PDHX: variants seen among roughly 807,000 people sequenced by gnomAD.
PDHX encodes pyruvate dehydrogenase complex component X.
PDHX carries 33 observed loss-of-function variants against 55.3 expected under a neutral mutation model. That is an observed-to-expected ratio of 0.60 (90% CI 0.45 to 0.80). PDHX has a LOEUF of 0.80. Among genes scored for constraint, PDHX ranks in the 30% least tolerant of loss-of-function variants. The pLI, the probability that PDHX is intolerant of heterozygous loss-of-function variation, is 0.00. For synonymous variants in PDHX, 226 were observed against 219.4 expected (o/e 1.03, Z -0.27); for missense variants, 622 against 619.9 (o/e 1.00, Z -0.04).
In PDHX at chr11:34,934,663, A is replaced by G. The variant is rs111618210; in HGVS notation, c.241+3179A>G. On this transcript the variant is annotated intron_variant, in intron 2 of 10. Transcript: ENST00000227868. Reference sequence around the variant, plus strand: ...CGCGATCTCTGCTCACTACAGCCTCAGCCTCCTGGGCTCAGGGTGATTCTC... The same window carrying G: ...CGCGATCTCTGCTCACTACAGCCTCGGCCTCCTGGGCTCAGGGTGATTCTC... 5.9e-3 allele frequency among the ~76,000 whole-genome samples: 815 copies of G among 139,030 alleles called. 12 individuals are homozygous for G. The highest frequency in any genetic ancestry group is 0.021 in the African/African-American group (781 of 36,434). 91.2% of individuals were successfully genotyped at this position (139,030 alleles called of 152,430 possible).
intron 7 of PDHX, among the ~76,000 whole-genome samples, chr11:34,971,582 A>G (rs1318262410): frequency 6.6e-6 from 1 of 152,166 alleles, no homozygotes; most frequent in Non-Finnish European, 1.5e-5. Context: ...AAGGTGAATT[A>G]CATTGGTTGA....
chr11:34,957,618 A>G (rs778593192), intron 4 of PDHX, 35 bp downstream of exon 4: 6 of 1,549,082 alleles, frequency 3.9e-6, no homozygotes, highest in Admixed American at 3.3e-5. Context: ...TGATGTAAAA[A>G]AAAAAAGTTA....
intron 9 of PDHX, among the ~76,000 whole-genome samples, chr11:34,990,683 A>C (rs1425622752): frequency 6.6e-6 from 1 of 152,204 alleles, no homozygotes; most frequent in African/African-American, 2.4e-5. Context: ...CCGTTATTCC[A>C]AGAACTGTAT....
At chr11:34,931,982 G>C (rs11032934) in intron 2 of PDHX, among the ~76,000 whole-genome samples, 1 of 151,724 alleles carries the variant, frequency 6.6e-6, no homozygotes, top group Non-Finnish European at 1.5e-5. Context: ...ATAGTATTAA[G>C]CATTTCTAAT....
intron 10 of PDHX, among the ~76,000 whole-genome samples, chr11:34,993,761 G>A (rs1037932674): frequency 5.9e-5 from 9 of 151,980 alleles, no homozygotes; most frequent in African/African-American, 2.2e-4. Context: ...AAATTGATTT[G>A]CCATTTTTCA....
At chr11:34,982,682 A>G (rs1023795139) in intron 8 of PDHX, among the ~76,000 whole-genome samples, 1 of 152,224 alleles carries the variant, frequency 6.6e-6, no homozygotes, top group Admixed American at 6.5e-5. Context: ...GAAGAAATGG[A>G]TAAATTCCTC....
intron 7 of PDHX, 109 bp from the exon 8 acceptor site, chr11:34,978,015 T>C (rs1435506887): frequency 2.1e-5 from 15 of 700,542 alleles, no homozygotes; most frequent in Non-Finnish European, 3.9e-5. Context: ...TTGTAATTTT[T>C]TATCATTGTT....
intron 8 of PDHX, 58 bp from the exon 9 acceptor site, chr11:34,984,512 G>A (rs755127456): frequency 2.1e-6 from 3 of 1,436,260 alleles, no homozygotes; most frequent in Middle Eastern, 1.8e-4. Flanking sequence ...TTATTTTTCT[G>A]TAACCGCCTT....
intron 7 of PDHX, among the ~76,000 whole-genome samples, chr11:34,976,234 A>T (rs1173378987): frequency 6.6e-6 from 1 of 152,188 alleles, no homozygotes; most frequent in African/African-American, 2.4e-5. Flanking sequence ...CCTCTTTCTC[A>T]TATAAAGTTA....
rs11032962 is a variant in PDHX at position 34,978,200 on chromosome 11, A to C, written c.1023+18A>C. On this transcript the variant is annotated intron_variant, in intron 8 of 10. Coordinates refer to ENST00000227868, the MANE Select transcript of PDHX (RefSeq NM_003477.3). ...CCCTTAAAGTAAGTAGCAGACTTCA[A>C]ATGATTTTGTCTTCTTAAGTAGTTT... The C allele has an allele frequency of 3.6e-6, 5 of 1,402,668 alleles. No homozygotes were observed. The African/African-American group carries it at 5.5e-5, about 15-fold the overall frequency. 86.9% of individuals were successfully genotyped at this position (1,402,668 alleles called of 1,614,324 possible).
intron 1 of PDHX, among the ~76,000 whole-genome samples, chr11:34,928,810 C>T (rs1590730570): frequency 6.6e-6 from 1 of 152,146 alleles, no homozygotes; most frequent in East Asian, 1.9e-4. Context: ...TTTCCAAGTG[C>T]ACTTCCCTAA....
intron 9 of PDHX, among the ~76,000 whole-genome samples, chr11:34,989,300 A>G (rs1235645130): frequency 1.3e-5 from 2 of 152,244 alleles, no homozygotes; most frequent in African/African-American, 2.4e-5. Context: ...GTTCAGTACT[A>G]TCTGCCATTT....
chr11:34,986,043 G>A (rs148966950), intron 9 of PDHX, among the ~76,000 whole-genome samples: 2 of 152,308 alleles, frequency 1.3e-5, no homozygotes, highest in African/African-American at 4.8e-5. Flanking sequence ...GGTGGCTCAT[G>A]CCCGTAATCC....
chr11:34,954,587 A>G (rs907641859), intron 3 of PDHX, among the ~76,000 whole-genome samples: 1 of 152,240 alleles, frequency 6.6e-6, no homozygotes, highest in East Asian at 1.9e-4. Context: ...TGCCAGCCAC[A>G]TGCTAAGCCT....
intron 1 of PDHX, among the ~76,000 whole-genome samples, chr11:34,918,003 T>G (rs1467137698): frequency 6.6e-6 from 1 of 152,220 alleles, no homozygotes; most frequent in Non-Finnish European, 1.5e-5. Flanking sequence ...ACTCACTGCC[T>G]TAGAAAATCA....
chr11:34,982,801 A>C (rs568535875), intron 8 of PDHX, among the ~76,000 whole-genome samples: 1 of 152,324 alleles, frequency 6.6e-6, no homozygotes, highest in South Asian at 2.1e-4. Context: ...AACTAAAAAA[A>C]GTCCAGGACC....
intron 4 of PDHX, among the ~76,000 whole-genome samples, chr11:34,958,821 G>C (rs1375487652): frequency 6.6e-6 from 1 of 152,100 alleles, no homozygotes; most frequent in Non-Finnish European, 1.5e-5. Flanking sequence ...AGGCCCCACT[G>C]TGTAGGTTAA....
chr11:34,953,891 T>C (rs1057060482), intron 3 of PDHX, among the ~76,000 whole-genome samples: 22 of 152,174 alleles, frequency 1.4e-4, no homozygotes, highest in African/African-American at 4.8e-4. Context: ...GAACAGTGCT[T>C]GGCACTTGAA....
upstream of PDHX, chr11:34,916,610 T>G (rs764604412): frequency 1.3e-6 from 2 of 1,598,630 alleles, no homozygotes; most frequent in Non-Finnish European, 1.7e-6. Flanking sequence ...GCCTTGATGC[T>G]GGACATCAGG....
Sources: allele counts gnomAD v4.1 joint callset (sites outside exome capture counted in the v4.1 genomes callset), GRCh38; gene constraint gnomAD v4.1.1; transcripts MANE v1.5; gene names NCBI Gene and HGNC (gene_info 2026-07-23, HGNC 2026-07-21).